Variants in ANKRD10 observed in about 807,000 individuals in gnomAD.
ANKRD10 encodes ankyrin repeat domain 10.
ANKRD10 carries 14 observed loss-of-function variants against 27.0 expected under a neutral mutation model. The ratio of observed to expected loss-of-function variants is 0.52; its 90% CI spans 0.34 to 0.81. The LOEUF is 0.81. Among genes scored for constraint, ANKRD10 ranks in the 40% least tolerant of loss-of-function variants. The pLI, the probability that ANKRD10 is intolerant of heterozygous loss-of-function variation, is 0.01. For missense variants in ANKRD10, 493 were observed against 544.0 expected (o/e 0.91, Z 0.93); for synonymous variants, 250 against 224.5 (o/e 1.11, Z -1.01).
intron 3 of ANKRD10, chr13:110,894,057 G>A: frequency 1.6e-6 from 2 of 1,283,276 alleles, no homozygotes; most frequent in South Asian, 2.4e-5. Context: ...AGGAAGTGAT[G>A]GCAGAGTAAG....
intron 3 of ANKRD10, chr13:110,895,097 A>T (rs910262347): frequency 2.0e-5 from 3 of 152,214 alleles, no homozygotes; most frequent in Admixed American, 2.0e-4. Flanking sequence ...AGGAGAACAT[A>T]AGTTTACAAA....
At chr13:110,910,089 A>T (rs1021080368) in intron 2 of ANKRD10, among the ~76,000 whole-genome samples, 13 of 152,210 alleles carry the variant, frequency 8.5e-5, no homozygotes, top group Admixed American at 8.5e-4. Context: ...CTGAAAACAC[A>T]CCATGAAGAA....
chr13:110,897,299 T>A (rs2065253261), intron 3 of ANKRD10, among the ~76,000 whole-genome samples: 1 of 149,930 alleles, frequency 6.7e-6, no homozygotes. Flanking sequence ...GGCTACTTTT[T>A]TTTTTTTTTT....
At chr13:110,914,541 C>T in intron 1 of ANKRD10, 184 bp downstream of exon 1, 2 of 827,122 alleles carry the variant, frequency 2.4e-6, no homozygotes, top group Non-Finnish European at 3.2e-6. Context: ...GGCTGCCCCG[C>T]CGCGACTCCG....
chr13:110,892,917 T>C, intron 4 of ANKRD10, 111 bp downstream of exon 4: 1 of 1,487,390 alleles, frequency 6.7e-7, no homozygotes, highest in Admixed American at 2.4e-5. Context: ...ACCAGGCGCA[T>C]TACCACCTGA....
At chr13:110,902,521 C>T (rs1470528549) in intron 3 of ANKRD10, among the ~76,000 whole-genome samples, 1 of 152,164 alleles carries the variant, frequency 6.6e-6, no homozygotes, top group African/African-American at 2.4e-5. Flanking sequence ...CCAACTGTGC[C>T]TACTTCCTAA....
intron 1 of ANKRD10, 122 bp downstream of exon 1, chr13:110,914,603 C>G: frequency 7.2e-7 from 1 of 1,395,852 alleles, no homozygotes; most frequent in Non-Finnish European, 9.4e-7. Context: ...GCACAGGCGC[C>G]GTCGATCCCG....
chr13:110,889,793 C>G (rs2065028104), intron 4 of ANKRD10, among the ~76,000 whole-genome samples: 1 of 152,134 alleles, frequency 6.6e-6, no homozygotes, highest in Non-Finnish European at 1.5e-5. Context: ...GAAGTAATTA[C>G]TTTTGTAAAT....
At chr13:110,892,929 G>T in intron 4 of ANKRD10, 99 bp downstream of exon 4, 1 of 1,510,098 alleles carries the variant, frequency 6.6e-7, no homozygotes, top group South Asian at 1.3e-5. Flanking sequence ...ACCACCTGAA[G>T]TGAAGGTCTC....
At chr13:110,911,967 T>C (rs972543559) in intron 1 of ANKRD10, among the ~76,000 whole-genome samples, 1 of 152,102 alleles carries the variant, frequency 6.6e-6, no homozygotes, top group African/African-American at 2.4e-5. Flanking sequence ...CAAAACCCTA[T>C]GGGGGAAAAA....
At chr13:110,886,432 T>C (rs2064931684) in intron 4 of ANKRD10, among the ~76,000 whole-genome samples, 1 of 152,246 alleles carries the variant, frequency 6.6e-6, no homozygotes, top group African/African-American at 2.4e-5. Context: ...TCTCCATAGA[T>C]ACAGCCTCTC....
intron 3 of ANKRD10, among the ~76,000 whole-genome samples, chr13:110,896,987 TAA>T (rs35905211): frequency 2.0e-5 from 3 of 151,782 alleles, no homozygotes; most frequent in Admixed American, 6.6e-5. Flanking sequence ...GTATAGGGAT[TAA>T]AAAAAACCAG....
intron 3 of ANKRD10, chr13:110,900,750 A>G (rs991168724): frequency 1.0e-5 from 12 of 1,199,328 alleles, no homozygotes; most frequent in African/African-American, 4.7e-5. Flanking sequence ...TGTGTGATTT[A>G]AAACGGGCAA....
chr13:110,879,809 C>G lies in ANKRD10; in HGVS notation c.1091G>C (p.Trp364Ser). The change falls in exon 6 of 6, where the codon TGG becomes TCG. Residue 364 changes from tryptophan (W) to serine (S), a missense_variant. By Grantham distance (177) the Trp-to-Ser change is radical (BLOSUM62 -3). Coordinates refer to ENST00000267339, the MANE Select transcript of ANKRD10 (RefSeq NM_017664.4). Reference sequence around the variant, plus strand: ...CAGGTTATCCCCAATGTCTTCCACCCAGGAAGGCCTACTGGCTATGCAGCT... The same window carrying G: ...CAGGTTATCCCCAATGTCTTCCACCGAGGAAGGCCTACTGGCTATGCAGCT... Reference protein sequence around the residue: ...PSSCIASRPSWVEDIGDNLYY... With the variant: ...PSSCIASRPSSVEDIGDNLYY... 1 of 1,614,250 alleles carries G rather than the reference C, an allele frequency of 6.2e-7. No individual in the cohort carries two copies. The highest frequency in any genetic ancestry group is 8.5e-7 in the Non-Finnish European group (1 of 1,180,046).
chr13:110,892,828 T>C, intron 4 of ANKRD10, 200 bp downstream of exon 4: 1 of 1,371,022 alleles, frequency 7.3e-7, no homozygotes, highest in South Asian at 1.7e-5. Context: ...CCATCAGTAT[T>C]TCCCTCACAT....
At chr13:110,884,231 A>G (rs2064873815) in intron 4 of ANKRD10, among the ~76,000 whole-genome samples, 1 of 152,234 alleles carries the variant, frequency 6.6e-6, no homozygotes, top group Non-Finnish European at 1.5e-5. Flanking sequence ...AAAATAATGT[A>G]AAGGCTAAGA....
chr13:110,914,471 T>G (rs1198431864), intron 1 of ANKRD10: 3 of 328,392 alleles, frequency 9.1e-6, no homozygotes, highest in Non-Finnish European at 1.6e-5. Context: ...CCGCCGCACA[T>G]GCGCCCTAGG....
intron 3 of ANKRD10, chr13:110,904,911 G>C (rs949888408): frequency 6.6e-6 from 1 of 152,194 alleles, no homozygotes; most frequent in African/African-American, 2.4e-5. Flanking sequence ...ACAGATGATT[G>C]ACAGCCTCCG....
At chr13:110,907,328 A>T (rs2065565241) in intron 2 of ANKRD10, among the ~76,000 whole-genome samples, 1 of 152,196 alleles carries the variant, frequency 6.6e-6, no homozygotes, top group African/African-American at 2.4e-5. Flanking sequence ...TTGAATACTC[A>T]CACTGCAACC....
Sources: gnomAD v4.1 joint callset for allele counts (sites outside exome capture counted in the v4.1 genomes callset) on GRCh38, gnomAD v4.1.1 for gene constraint, MANE v1.5 for transcripts, NCBI Gene and HGNC (gene_info 2026-07-23, HGNC 2026-07-21) for gene names.